Variants in SLC9A9 observed in about 807,000 individuals in gnomAD.
SLC9A9 encodes the protein sodium/hydrogen exchanger 9.
A neutral mutation model predicts 77.8 loss-of-function variants in SLC9A9; 62 were observed. That is an observed-to-expected ratio of 0.80 (90% CI 0.65 to 0.98). SLC9A9 has a LOEUF of 0.98. SLC9A9 is among the 50% of genes least tolerant of loss of function. The pLI, the probability that SLC9A9 is intolerant of heterozygous loss-of-function variation, is 0.00. For missense variants in SLC9A9, 775 were observed against 774.9 expected (o/e 1.00, Z 0.00); for synonymous variants, 320 against 283.5 (o/e 1.13, Z -1.29).
chr3:143,516,563 G>A (rs551262596), intron 9 of SLC9A9, among the ~76,000 whole-genome samples: 6 of 152,074 alleles, frequency 3.9e-5, no homozygotes, highest in African/African-American at 9.6e-5. Context: ...AGCTTTTATC[G>A]TATTTATTTT....
At chr3:143,380,272 A>G (rs901961510) in intron 13 of SLC9A9, among the ~76,000 whole-genome samples, 15 of 152,256 alleles carry the variant, frequency 9.9e-5, no homozygotes, top group Non-Finnish European at 1.8e-4. Flanking sequence ...CACATGAATG[A>G]GATAAAATAA....
chr3:143,655,359 T>C (rs2038870872), intron 5 of SLC9A9: 2 of 581,634 alleles, frequency 3.4e-6, no homozygotes, highest in Non-Finnish European at 2.2e-6. Context: ...TCAATGCCCA[T>C]GTAAATGAGA....
chr3:143,750,380 T>C (rs959842812), intron 4 of SLC9A9, among the ~76,000 whole-genome samples: 1 of 152,230 alleles, frequency 6.6e-6, no homozygotes, highest in Non-Finnish European at 1.5e-5. Flanking sequence ...TATTTTTTAA[T>C]ACCTGTAATC....
At chr3:143,641,385 C>CTTTTTTTTTTTTTTTT (rs529425639) in intron 6 of SLC9A9, among the ~76,000 whole-genome samples, 1 of 78,820 alleles carries the variant, frequency 1.3e-5, no homozygotes, top group Non-Finnish European at 2.4e-5. Context: ...TTGTCACAGT[C>CTTTTTTTTTTTTTTTT]TTTTTTTTTT....
chr3:143,631,299 C>T lies in SLC9A9; in HGVS notation c.755+20956G>A, dbSNP rs895523476. Among the ~76,000 whole-genome samples the T allele has an allele frequency of 2.0e-5, 3 of 152,128 alleles. 1 individual carries two copies. Among genetic ancestry groups the T allele is most frequent in the Admixed American group, 2.0e-4 (3 of 15,262 alleles). Reference sequence around the variant, plus strand: ...GCACTTTTGAAAATATAGAAGTAAACTTGTTCACAGGAGAGCAACTACAAT... The same window carrying T: ...GCACTTTTGAAAATATAGAAGTAAATTTGTTCACAGGAGAGCAACTACAAT... On this transcript the variant is annotated intron_variant, in intron 6 of 15. Coordinates refer to ENST00000316549, the MANE Select transcript of SLC9A9 (RefSeq NM_173653.4).
Position 143,284,091 on chromosome 3 carries a change from G to C in SLC9A9, c.1605-15111C>G, listed in dbSNP as rs183182669. 6.5e-4 allele frequency among the ~76,000 whole-genome samples: 98 copies of C among 149,630 alleles called. No individual in the cohort carries two copies. The East Asian group carries it at 0.015, about 23-fold the overall frequency. On this transcript the variant is annotated intron_variant, in intron 14 of 15. Coordinates refer to ENST00000316549, the MANE Select transcript of SLC9A9 (RefSeq NM_173653.4). ...ACAGATCCAGATTTAAGCCAAACCC[G>C]TGGCAGGAGCTGTCCTGCTTGCCTT...
Position 143,741,747 on chromosome 3 carries a change from G to A in SLC9A9, c.534-48440C>T, listed in dbSNP as rs112093554. Reference sequence around the variant, plus strand: ...TGATGTGATGAAAATGGCACTTTACGTCGGTGATCTTCCCCCTAACCCATT... The same window carrying A: ...TGATGTGATGAAAATGGCACTTTACATCGGTGATCTTCCCCCTAACCCATT... On this transcript the variant is annotated intron_variant, in intron 4 of 15. Coordinates refer to ENST00000316549, the MANE Select transcript of SLC9A9 (RefSeq NM_173653.4). 1.1e-4 allele frequency among the ~76,000 whole-genome samples: 17 copies of A among 152,168 alleles called. 1 individual carries two copies. The highest frequency in any genetic ancestry group is 1.0e-3 in the South Asian group (5 of 4,818).
At chr3:143,731,794 T>C (rs1012547961) in intron 4 of SLC9A9, among the ~76,000 whole-genome samples, 1 of 152,206 alleles carries the variant, frequency 6.6e-6, no homozygotes, top group Non-Finnish European at 1.5e-5. Context: ...TATATCTTTT[T>C]CCTAGGTTAT....
chr3:143,799,389 T>C (rs1046350997), intron 2 of SLC9A9, among the ~76,000 whole-genome samples: 1 of 152,172 alleles, frequency 6.6e-6, no homozygotes, highest in Non-Finnish European at 1.5e-5. Context: ...CTTCAAGGTG[T>C]ACAATAATAG....
intron 4 of SLC9A9, among the ~76,000 whole-genome samples, chr3:143,737,617 A>AT (rs1448787884): frequency 6.6e-6 from 1 of 152,080 alleles, no homozygotes; most frequent in Non-Finnish European, 1.5e-5. Context: ...TAGAAAACAT[A>AT]TTTTCCTTAT....
chr3:143,580,421 T>C (rs1355082378), intron 6 of SLC9A9, among the ~76,000 whole-genome samples: 1 of 152,178 alleles, frequency 6.6e-6, no homozygotes, highest in Non-Finnish European at 1.5e-5. Flanking sequence ...TCCACCTCCA[T>C]AACTTCCAGA....
intron 4 of SLC9A9, among the ~76,000 whole-genome samples, chr3:143,695,399 T>A (rs1033321711): frequency 1.6e-4 from 25 of 152,090 alleles, no homozygotes; most frequent in Non-Finnish European, 2.9e-4. Context: ...TGTGTTCTCA[T>A]TGTTCAGCTC....
chr3:143,621,595 C>T (rs2038213728), intron 6 of SLC9A9, among the ~76,000 whole-genome samples: 1 of 152,100 alleles, frequency 6.6e-6, no homozygotes, highest in Non-Finnish European at 1.5e-5. Flanking sequence ...AAAGGACATC[C>T]ACACCAAAAA....
chr3:143,406,712 A>C (rs1267813156), intron 12 of SLC9A9, among the ~76,000 whole-genome samples: 1 of 152,208 alleles, frequency 6.6e-6, no homozygotes, highest in Non-Finnish European at 1.5e-5. Context: ...ATGGTGGCTC[A>C]CGCCTGTGAT....
chr3:143,652,389 T>C, intron 5 of SLC9A9, 29 bp from the exon 6 acceptor site: 1 of 1,566,086 alleles, frequency 6.4e-7, no homozygotes. Context: ...ACATGCAGGT[T>C]AGCTTGGATG....
At chr3:143,359,070 T>C (rs528825861) in intron 14 of SLC9A9, among the ~76,000 whole-genome samples, 2 of 151,864 alleles carry the variant, frequency 1.3e-5, no homozygotes, top group African/African-American at 4.8e-5. Flanking sequence ...AACATTAATA[T>C]TATCCACTCT....
intron 9 of SLC9A9, among the ~76,000 whole-genome samples, chr3:143,541,558 A>G (rs1446336173): frequency 6.6e-6 from 1 of 152,246 alleles, no homozygotes; most frequent in Non-Finnish European, 1.5e-5. Flanking sequence ...TTACACAGCA[A>G]TATATAACAA....
chr3:143,695,267 T>C lies in SLC9A9; in HGVS notation c.534-1960A>G, dbSNP rs570969582. On this transcript the variant is annotated intron_variant, in intron 4 of 15. Transcript: ENST00000316549. ...TTGTTACATAAGTATATACATGCCA[T>C]GGTGGTTTGCTGCACCCATCAACCT... 2.5e-4 allele frequency among the ~76,000 whole-genome samples: 38 copies of C among 152,288 alleles called. No homozygotes were observed. In the South Asian group the frequency reaches 7.3e-3, roughly 29 times the overall value.
chr3:143,664,486 C>T (rs1311195964), intron 5 of SLC9A9, among the ~76,000 whole-genome samples: 2 of 152,154 alleles, frequency 1.3e-5, no homozygotes, highest in African/African-American at 2.4e-5. Flanking sequence ...ACAATATTAA[C>T]CTGAAATGTA....
Sources: gnomAD v4.1 joint callset for allele counts (sites outside exome capture counted in the v4.1 genomes callset) on GRCh38, gnomAD v4.1.1 for gene constraint, MANE v1.5 for transcripts, NCBI Gene and HGNC (gene_info 2026-07-23, HGNC 2026-07-21) for gene names.